The following TTC22 variants were observed in gnomAD, a reference collection of about 807,000 sequenced individuals.
TTC22 encodes tetratricopeptide repeat domain 22.
Under a neutral mutation model 48.2 loss-of-function variants are expected in TTC22, and 42 were observed. The ratio of observed to expected loss-of-function variants is 0.87; its 90% CI spans 0.68 to 1.13. TTC22 has a LOEUF of 1.13. TTC22 is among the 50% of genes most tolerant of loss of function. TTC22 has a pLI of 0.00. For synonymous variants in TTC22, 345 were observed against 365.5 expected, an observed-to-expected ratio of 0.94 and a Z score of 0.64; for missense variants, 784 against 807.0, an observed-to-expected ratio of 0.97 and a Z score of 0.34.
intron 4 of TTC22, chr1:54,786,352 T>G: frequency 3.9e-6 from 2 of 507,682 alleles, no homozygotes; most frequent in Non-Finnish European, 7.0e-6. Flanking sequence ...GGCACTCAAC[T>G]CCTGAGAGCC....
rs1170751643 is a variant in TTC22 at position 54,786,154 on chromosome 1, G to A, written c.859-10C>T. ...TGGCAATCTCAATGGCCTAGGTAAG[G>A]GAGGAGTGCAAAAACAAACCACTTG... On this transcript the variant is annotated splice_polypyrimidine_tract_variant and intron_variant, in intron 4 of 6. Coordinates refer to ENST00000371276, the MANE Select transcript of TTC22 (RefSeq NM_001114108.2). 1 of 1,613,276 alleles carries A rather than the reference G, an allele frequency of 6.2e-7. No individual in the cohort carries two copies. Among genetic ancestry groups the A allele is most frequent in the Admixed American group, 1.7e-5 (1 of 59,958 alleles).
rs773117637 is a variant in TTC22 at position 54,781,681 on chromosome 1, C to T, written c.1272G>A (p.Glu424=). 8 of 1,530,662 alleles carry T rather than the reference C, an allele frequency of 5.2e-6. No individual in the cohort carries two copies. In the African/African-American group the frequency reaches 9.7e-5, roughly 19 times the overall value. 94.8% of individuals were successfully genotyped at this position (1,530,662 alleles called of 1,614,324 possible). A position where few individuals can be genotyped will look rare whatever the true frequency, so the allele number is the denominator to read the frequency against. The change falls in exon 7 of 7, where the codon GAG becomes GAA. Residue 424 remains glutamate, a synonymous_variant. Coordinates refer to ENST00000371276, the MANE Select transcript of TTC22 (RefSeq NM_001114108.2). ...QALVFLAKAG[E]SELGATLPEL... ...CGGGCAGCGTGGCACCCAGCTCCGA[C>T]TCGCCCGCCTTGGCCAGGAACACCA...
rs1230176184 is a variant in TTC22 at position 54,782,416 on chromosome 1, G to C, written c.1082C>G (p.Pro361Arg). 1.3e-6 allele frequency: 2 copies of C among 1,551,518 alleles called. No homozygotes were observed. The highest frequency in any genetic ancestry group is 1.7e-6 in the Non-Finnish European group (2 of 1,146,930). ...GGCACAGGCCAGGTGGTTCCTGTCA[G>C]GCATGCCCCCGAGACCCATCTTGGC... ...KRAKMGLGGM[P>R]DRNHLACAKA... Residue 361 changes from proline to arginine, a missense_variant, in exon 6 of 7, where the codon CCT becomes CGT. Coordinates refer to ENST00000371276, the MANE Select transcript of TTC22 (RefSeq NM_001114108.2).
rs375303136 is a variant in TTC22 at position 54,786,112 on chromosome 1, G to A, written c.891C>T (p.Ile297=). 31 of 1,614,064 alleles carry A rather than the reference G, an allele frequency of 1.9e-5. No homozygotes were observed. In the African/African-American group the frequency reaches 2.8e-4, roughly 15 times the overall value. ...AGAAGATTTTTGCCAGGCGATTCAG[G>A]ATGGGAGGTTGGTTCTTGGCAATCT... is the stretch of plus-strand genomic sequence containing the variant. The part of the protein sequence containing the change: ...AIEIAKNQPP[I]LNRLAKIFYF... The change falls in exon 5 of 7, where the codon ATC becomes ATT. Residue 297 remains isoleucine (I), a synonymous_variant. Coordinates refer to ENST00000371276, the MANE Select transcript of TTC22 (RefSeq NM_001114108.2).
At chr1:54,786,206 A>G in intron 4 of TTC22, 62 bp from the exon 5 acceptor site, 1 of 1,481,162 alleles carries the variant, frequency 6.8e-7, no homozygotes, top group Non-Finnish European at 9.3e-7. Context: ...AGCTGGCTAA[A>G]CAGTGCTGAA....
rs148671663 is a variant in TTC22 at position 54,796,987 on chromosome 1, C to T, written c.567+3610G>A. 5.9e-5 allele frequency among the ~76,000 whole-genome samples: 9 copies of T among 152,210 alleles called. No individual in the cohort carries two copies. In the East Asian group the frequency reaches 1.7e-3, roughly 30 times the overall value. On this transcript the variant is annotated intron_variant, in intron 1 of 6. Transcript: ENST00000371276. ...AGAGCAGTGGTGAAGTGCTGTGGGC[C>T]AGGGCAGGCAGGGAGAAGCCCCAGG...
Position 54,786,955 on chromosome 1 carries a change from AC to A in TTC22, c.858+1del. The A allele has an allele frequency of 6.8e-7, 1 of 1,471,992 alleles. No homozygotes were observed. 91.2% of individuals were successfully genotyped at this position (1,471,992 alleles called of 1,614,324 possible). A position where few individuals can be genotyped will look rare whatever the true frequency, so the allele number is the denominator to read the frequency against. ...AGGGTGGGTGTGGCTGGGGGCAAGT[AC>A]CTTGCCGAAGCAGTCTAGAGGGTCG... On this transcript the variant is annotated splice_donor_variant, in intron 4 of 6. Coordinates refer to ENST00000371276, the MANE Select transcript of TTC22 (RefSeq NM_001114108.2). LOFTEE classifies it high-confidence loss of function.
chr1:54,783,267 G>C (rs541844254), intron 5 of TTC22, among the ~76,000 whole-genome samples: 1 of 152,174 alleles, frequency 6.6e-6, no homozygotes, highest in Admixed American at 6.5e-5. Flanking sequence ...TCTGGCTTTC[G>C]GGTCAGTTGG....
rs779686709 is a variant in TTC22, at chr1:54,786,063, C to T, written c.940G>A (p.Ala314Thr). The T allele has an allele frequency of 1.2e-6, 2 of 1,614,030 alleles. No homozygotes were observed. The highest frequency in any genetic ancestry group is 2.2e-5 in the East Asian group (1 of 44,870). Reference sequence around the variant, plus strand: ...AGGGCCATGTTGCAGGTTCCAATGGCCATATCCTGCTTTCCCAGGAAGTAG... The same window carrying T: ...AGGGCCATGTTGCAGGTTCCAATGGTCATATCCTGCTTTCCCAGGAAGTAG... ...IFYFLGKQDM[A>T]IGTCNMALDV... Residue 314 changes from alanine to threonine, a missense_variant, in exon 5 of 7, where the codon GCC becomes ACC. Physicochemically the swap from Ala to Thr is moderately conservative, Grantham distance 58. Transcript: ENST00000371276.
chr1:54,780,983 C>T lies in TTC22; in HGVS notation c.*260G>A. 2.8e-6 allele frequency: 1 copy of T among 357,384 alleles called. No individual in the cohort carries two copies. The highest frequency in any genetic ancestry group is 5.0e-6 in the Non-Finnish European group (1 of 199,402). The allele number at this position is 357,384 out of a possible 1,614,324, so 22.1% of individuals were successfully genotyped here. ...TACCTGTATGTCTAGAAAATTCTGT[C>T]CCTTAATTGGCAGCTTCCCAGTGTT... On this transcript the variant is annotated 3_prime_UTR_variant, in exon 7 of 7. Coordinates refer to ENST00000371276, the MANE Select transcript of TTC22 (RefSeq NM_001114108.2).
chr1:54,784,652 G>A (rs1296551506), intron 5 of TTC22: 8 of 1,118,892 alleles, frequency 7.1e-6, no homozygotes, highest in Middle Eastern at 5.1e-4. Context: ...GACAGTGAAG[G>A]AATTTCACTC....
At position 54,781,476 on chromosome 1, in the gene TTC22, G is replaced by C; in HGVS notation, c.1477C>G (p.Leu493Val). 2 of 1,470,876 alleles carry C rather than the reference G, an allele frequency of 1.4e-6. No individual in the cohort carries two copies. Among genetic ancestry groups the C allele is most frequent in the African/African-American group, 1.5e-5 (1 of 67,706 alleles). 91.1% of individuals were successfully genotyped at this position (1,470,876 alleles called of 1,614,324 possible). Reference protein sequence around the residue: ...WSQAQLSDGELGREVDAWLRR... With the variant: ...WSQAQLSDGEVGREVDAWLRR... Reference sequence around the variant, plus strand: ...AGCCAGGCGTCCACCTCGCGGCCCAGCTCCCCGTCGCTCAGCTGTGCCTGG... The same window carrying C: ...AGCCAGGCGTCCACCTCGCGGCCCACCTCCCCGTCGCTCAGCTGTGCCTGG... The change falls in exon 7 of 7, where the codon CTG (leucine) becomes GTG (valine). Residue 493 changes from leucine to valine, a missense_variant. Coordinates refer to ENST00000371276, the MANE Select transcript of TTC22 (RefSeq NM_001114108.2).
Position 54,786,081 on chromosome 1 carries a change from G to A in TTC22, c.922C>T (p.Leu308=). 6.2e-7 allele frequency: 1 copy of A among 1,614,108 alleles called. No homozygotes were observed. Among genetic ancestry groups the A allele is most frequent in the Non-Finnish European group, 8.5e-7 (1 of 1,179,972 alleles). Residue 308 remains leucine, a synonymous_variant, in exon 5 of 7, where the codon CTG becomes TTG. Transcript: ENST00000371276. Reference sequence around the variant, plus strand: ...CCAATGGCCATATCCTGCTTTCCCAGGAAGTAGAAGATTTTTGCCAGGCGA... The same window carrying A: ...CCAATGGCCATATCCTGCTTTCCCAAGAAGTAGAAGATTTTTGCCAGGCGA... ...LNRLAKIFYF[L]GKQDMAIGTC...
chr1:54,787,378 T>C, intron 3 of TTC22: 1 of 560,086 alleles, frequency 1.8e-6, no homozygotes, highest in Non-Finnish European at 3.2e-6. Flanking sequence ...CTGCTCTTGC[T>C]GTCTGGCCCT....
Position 54,781,424 on chromosome 1 carries a change from G to A in TTC22, c.1529C>T (p.Ala510Val), listed in dbSNP as rs2286203. Residue 510 changes from alanine (A) to valine (V), a missense_variant, in exon 7 of 7, where the codon GCG (alanine) becomes GTG (valine). By Grantham distance (64) the Ala-to-Val change is moderately conservative. Transcript: ENST00000371276. ...WLRRAQDKYP[A>V]ARLRQELQRV... The stretch of plus-strand genomic sequence containing the variant: ...CTGCAGCTCCTGGCGCAGGCGCGCC[G>A]CGGGGTACTTGTCCTGGGCGCGGCG... The A allele has an allele frequency of 0.19, 262,515 of 1,413,010 alleles. 24,990 individuals are homozygous for A. Among genetic ancestry groups the A allele is most frequent in the Middle Eastern group, 0.2 (828 of 4,128 alleles). 87.5% of individuals were successfully genotyped at this position (1,413,010 alleles called of 1,614,324 possible).
rs779300766 is a variant in TTC22 at position 54,787,722 on chromosome 1, G to C, written c.728C>G (p.Pro243Arg). The change falls in exon 3 of 7, where the codon CCC (proline) becomes CGC (arginine). Residue 243 changes from proline (P) to arginine (R), a missense_variant. Coordinates refer to ENST00000371276, the MANE Select transcript of TTC22 (RefSeq NM_001114108.2). ...LLRQVLKSED[P>R]RHRALAWCYL... Reference sequence around the variant, plus strand: ...CCCCGGGTCCCCACCTCGGTGGCGGGGGTCCTCGGACTTCAGCACTTGCCG... The same window carrying C: ...CCCCGGGTCCCCACCTCGGTGGCGGCGGTCCTCGGACTTCAGCACTTGCCG... The C allele has an allele frequency of 6.2e-7, 1 of 1,612,366 alleles. No individual in the cohort carries two copies. The highest frequency in any genetic ancestry group is 8.5e-7 in the Non-Finnish European group (1 of 1,179,264).
intron 1 of TTC22, among the ~76,000 whole-genome samples, chr1:54,792,456 G>C (rs1646359181): frequency 6.7e-6 from 1 of 148,246 alleles, no homozygotes; most frequent in African/African-American, 2.5e-5. Context: ...TTTTTTTTTA[G>C]ACGGAGTTTC....
At chr1:54,793,218 G>T (rs768183964) in intron 1 of TTC22, among the ~76,000 whole-genome samples, 2 of 152,206 alleles carry the variant, frequency 1.3e-5, no homozygotes, top group Non-Finnish European at 1.5e-5. Context: ...TTCTGTAGCA[G>T]ATTCATGGGA....
At chr1:54,796,509 T>A (rs985924970) in intron 1 of TTC22, among the ~76,000 whole-genome samples, 1 of 152,208 alleles carries the variant, frequency 6.6e-6, no homozygotes, top group African/African-American at 2.4e-5. Flanking sequence ...AAAAATTAAA[T>A]GCGCAAAGGC....
Sources: gnomAD v4.1 joint callset for allele counts (sites outside exome capture counted in the v4.1 genomes callset) on GRCh38, gnomAD v4.1.1 for gene constraint, MANE v1.5 for transcripts, NCBI Gene and HGNC (gene_info 2026-07-23, HGNC 2026-07-21) for gene names.